ELOVL7: variants seen among roughly 807,000 people sequenced by gnomAD.
The protein encoded by ELOVL7 is very long chain fatty acid elongase 7.
Under a neutral mutation model 35.7 loss-of-function variants are expected in ELOVL7, and 27 were observed. The observed-to-expected ratio is 0.76, with a 90% confidence interval of 0.56 to 1.04. The LOEUF (loss-of-function observed/expected upper bound fraction) is 1.04, where lower values mean the gene tolerates loss of function less well. Among genes scored for constraint, ELOVL7 ranks in the 50% least tolerant of loss-of-function variants. The probability of loss-of-function intolerance (pLI) is 0.00; values close to 1 mark genes in which losing one functional copy is unlikely to be tolerated. For synonymous variants in ELOVL7, 113 were observed against 114.6 expected (o/e 0.99, Z 0.09); for missense variants, 327 against 340.8 (o/e 0.96, Z 0.32).
intron 2 of ELOVL7, among the ~76,000 whole-genome samples, chr5:60,793,796 C>T (rs1476961925): frequency 6.6e-6 from 1 of 152,076 alleles, no homozygotes; most frequent in Non-Finnish European, 1.5e-5. Flanking sequence ...GAAGAAAGTA[C>T]ACTAAAAAAA....
chr5:60,778,688 G>T (rs1335626403), intron 3 of ELOVL7, among the ~76,000 whole-genome samples: 1 of 152,046 alleles, frequency 6.6e-6, no homozygotes, highest in East Asian at 1.9e-4. Context: ...ATTTGGGTGG[G>T]GATACAGTCA....
chr5:60,770,626 A>AGACCT (rs1742520756), intron 4 of ELOVL7, among the ~76,000 whole-genome samples: 2 of 152,326 alleles, frequency 1.3e-5, no homozygotes, highest in African/African-American at 2.4e-5. Context: ...CTGTGAGTTA[A>AGACCT]TTTTCAAAAT....
At chr5:60,792,123 G>A (rs16878429) in intron 2 of ELOVL7, among the ~76,000 whole-genome samples, 1,999 of 152,256 alleles carry the variant, frequency 0.013, 21 homozygotes, top group Non-Finnish European at 0.021. Flanking sequence ...GATGAGGCAG[G>A]AGTAGATGTC....
rs143990657 is a variant in ELOVL7 at position 60,765,594 on chromosome 5, G to A, written c.393+980C>T. Among the ~76,000 whole-genome samples the A allele has an allele frequency of 1.1e-3, 161 of 152,222 alleles. 4 individuals carry two copies. In the East Asian group the frequency reaches 0.029, roughly 28 times the overall value. On this transcript the variant is annotated intron_variant, in intron 6 of 8. Transcript: ENST00000508821. ...AAGTATTAGCATCATCTGAGAACTT[G>A]TTAGAAATGCAAATTTTGAGCCCCA...
intron 4 of ELOVL7, 144 bp downstream of exon 4, chr5:60,771,759 T>A (rs1311162673): frequency 1.7e-6 from 1 of 578,824 alleles, no homozygotes; most frequent in Non-Finnish European, 3.0e-6. Flanking sequence ...TACCTAACAC[T>A]ATTTTGGCAA....
intron 3 of ELOVL7, among the ~76,000 whole-genome samples, chr5:60,777,043 A>C (rs1209810804): frequency 6.6e-6 from 1 of 151,824 alleles, no homozygotes; most frequent in East Asian, 1.9e-4. Context: ...TGTAAGAATC[A>C]AAACAATTAA....
chr5:60,823,868 T>C (rs1055674648), intron 1 of ELOVL7, among the ~76,000 whole-genome samples: 2 of 152,172 alleles, frequency 1.3e-5, no homozygotes, highest in African/African-American at 2.4e-5. Context: ...ATGATTCTAA[T>C]ATGCAGCCAA....
At chr5:60,832,139 G>A (rs763597807) in intron 1 of ELOVL7, among the ~76,000 whole-genome samples, 15 of 152,156 alleles carry the variant, frequency 9.9e-5, no homozygotes, top group Non-Finnish European at 1.8e-4. Context: ...CAGGAACCCA[G>A]GTCTGCCAGC....
intron 3 of ELOVL7, 119 bp downstream of exon 3, chr5:60,787,215 G>C: frequency 1.3e-6 from 1 of 762,106 alleles, no homozygotes; most frequent in Non-Finnish European, 2.1e-6. Flanking sequence ...TCGTTAACTA[G>C]TAATAAGGGA....
At position 60,754,586 on chromosome 5, in the gene ELOVL7, A is replaced by G; in HGVS notation, c.*38T>C. ...AAATATCTCTTGATTGTCAAGGAAG[A>G]CAATGTATCAGTTTCGATCATAGAC... On this transcript the variant is annotated 3_prime_UTR_variant, in exon 9 of 9. Coordinates refer to ENST00000508821, the MANE Select transcript of ELOVL7 (RefSeq NM_024930.3). 6.4e-7 allele frequency: 1 copy of G among 1,553,782 alleles called. No individual in the cohort carries two copies. The highest frequency in any genetic ancestry group is 8.9e-7 in the Non-Finnish European group (1 of 1,125,614).
At chr5:60,795,650 G>A (rs1290811140) in intron 2 of ELOVL7, among the ~76,000 whole-genome samples, 2 of 152,292 alleles carry the variant, frequency 1.3e-5, no homozygotes, top group African/African-American at 4.8e-5. Context: ...TCGGAGACTC[G>A]CCACTGACTT....
intron 1 of ELOVL7, among the ~76,000 whole-genome samples, chr5:60,838,889 G>A (rs530828925): frequency 6.6e-6 from 1 of 152,098 alleles, no homozygotes; most frequent in Non-Finnish European, 1.5e-5. Context: ...CCATCTTGGT[G>A]GTGAGTGTCT....
At chr5:60,767,007 C>A (rs751389805) in intron 5 of ELOVL7, among the ~76,000 whole-genome samples, 1 of 152,190 alleles carries the variant, frequency 6.6e-6, no homozygotes, top group Admixed American at 6.5e-5. Context: ...CAGGGTTCAT[C>A]CCTGTTGTAG....
intron 2 of ELOVL7, 168 bp from the exon 3 acceptor site, chr5:60,787,599 C>T: frequency 2.2e-6 from 1 of 444,516 alleles, no homozygotes; most frequent in Non-Finnish European, 3.9e-6. Flanking sequence ...AACCCTGATG[C>T]AGTTGCAGAC....
At chr5:60,786,358 T>C (rs1034294875) in intron 3 of ELOVL7, among the ~76,000 whole-genome samples, 2 of 152,160 alleles carry the variant, frequency 1.3e-5, no homozygotes, top group Non-Finnish European at 2.9e-5. Context: ...TAAAAATATG[T>C]AGACAAATAT....
rs756637634 is a variant in ELOVL7 at position 60,771,960 on chromosome 5, T to G, written c.198A>C (p.Lys66Asn). Residue 66 changes from lysine (K) to asparagine (N), a missense_variant, in exon 4 of 9, where the codon AAA (lysine) becomes AAC (asparagine). Lys to Asn is a moderately conservative substitution (Grantham distance 94). Coordinates refer to ENST00000508821, the MANE Select transcript of ELOVL7 (RefSeq NM_024930.3). ...TGAAAAAATTGTACGTTATCATTGC[T>G]TTCTTGAGTTCAAAGGGCTTGCGAT... ...MENRKPFELK[K>N]AMITYNFFIV... 1 of 1,614,014 alleles carries G rather than the reference T, an allele frequency of 6.2e-7. No homozygotes were observed. The highest frequency in any genetic ancestry group is 1.1e-5 in the South Asian group (1 of 91,058).
chr5:60,779,307 C>A (rs1307171401), intron 3 of ELOVL7, among the ~76,000 whole-genome samples: 1 of 152,312 alleles, frequency 6.6e-6, no homozygotes, highest in Middle Eastern at 3.4e-3. Context: ...TGGGGTCTGA[C>A]CCCACATTTC....
At chr5:60,775,359 G>A (rs1198375339) in intron 3 of ELOVL7, among the ~76,000 whole-genome samples, 2 of 152,164 alleles carry the variant, frequency 1.3e-5, no homozygotes, top group Non-Finnish European at 2.9e-5. Flanking sequence ...AACATTCCAT[G>A]CTCATGGATT....
At position 60,772,123 on chromosome 5, in the gene ELOVL7, C is replaced by T. The variant is rs140169574; in HGVS notation, c.65-30G>A. Reference sequence around the variant, plus strand: ...GAGAAAAACAATATGTGAGTACACACCTGCTTAGCCAAGGGGTAACTAACA... The same window carrying T: ...GAGAAAAACAATATGTGAGTACACATCTGCTTAGCCAAGGGGTAACTAACA... On this transcript the variant is annotated intron_variant, in intron 3 of 8. Coordinates refer to ENST00000508821, the MANE Select transcript of ELOVL7 (RefSeq NM_024930.3). 578 of 1,489,982 alleles carry T rather than the reference C, an allele frequency of 3.9e-4. 4 individuals carry two copies. In the African/African-American group the frequency reaches 7.5e-3, roughly 19 times the overall value. The allele number at this position is 1,489,982 out of a possible 1,614,324, so 92.3% of individuals were successfully genotyped here.
Sources: allele counts gnomAD v4.1 joint callset (sites outside exome capture counted in the v4.1 genomes callset), GRCh38; gene constraint gnomAD v4.1.1; transcripts MANE v1.5; gene names NCBI Gene and HGNC (gene_info 2026-07-23, HGNC 2026-07-21).